The following ADGRV1 variants were observed in gnomAD, a reference collection of about 807,000 sequenced individuals.
ADGRV1 encodes the protein G-protein coupled receptor 98.
A neutral mutation model predicts 596.2 loss-of-function variants in ADGRV1; 359 were observed. The observed-to-expected ratio is 0.60, with a 90% CI of 0.55 to 0.66. The LOEUF (loss-of-function observed/expected upper bound fraction) is 0.66, where lower values mean the gene tolerates loss of function less well. Among genes scored for constraint, ADGRV1 ranks in the 30% least tolerant of loss-of-function variants. The probability of loss-of-function intolerance (pLI) is 0.00; values close to 1 mark genes in which losing one functional copy is unlikely to be tolerated. For missense variants in ADGRV1, 7,274 were observed against 7,575.6 expected (o/e 0.96, Z 1.48); for synonymous variants, 2,681 against 2,679.2 (o/e 1.00, Z -0.02).
Position 90,725,743 on chromosome 5 carries a change from G to A in ADGRV1, c.10161+87G>A. The A allele has an allele frequency of 3.8e-6, 3 of 783,862 alleles. No individual in the cohort carries two copies. In the South Asian group the frequency reaches 4.9e-5, roughly 13 times the overall value. 48.6% of individuals were successfully genotyped at this position (783,862 alleles called of 1,614,324 possible). On this transcript the variant is annotated intron_variant, in intron 48 of 89. Transcript: ENST00000405460. The stretch of plus-strand genomic sequence containing the variant: ...AATTTACCAAAGGTATGGTCTGCTG[G>A]TTTAGTATAAAAGAAAACCAAAATT...
rs1762036028 is a variant in ADGRV1 at position 90,807,703 on chromosome 5, G to T, written c.14938G>T (p.Val4980Leu). The change falls in exon 73 of 90, where the codon GTG (valine) becomes TTG (leucine). Residue 4980 changes from valine to leucine, a missense_variant. Physicochemically the swap from Val to Leu is conservative, Grantham distance 32 (BLOSUM62 1). Coordinates refer to ENST00000405460, the MANE Select transcript of ADGRV1 (RefSeq NM_032119.4). Reference protein sequence around the residue: ...PEAFVLHLSGVQSSAPGGAQL... With the variant: ...PEAFVLHLSGLQSSAPGGAQL... ...GGCCTTTGTTCTTCACCTATCAGGA[G>T]TGCAGAGCAGTGCTCCTGGCGGAGC... 6.3e-7 allele frequency: 1 copy of T among 1,587,536 alleles called. No homozygotes were observed.
chr5:91,087,300 T>C (rs1452643982), intron 86 of ADGRV1, among the ~76,000 whole-genome samples: 1 of 150,590 alleles, frequency 6.6e-6, no homozygotes, highest in Non-Finnish European at 1.5e-5. Context: ...TTGTTGTTTT[T>C]TGTTTTTTGA....
At chr5:90,974,744 A>T (rs555926061) in intron 84 of ADGRV1, among the ~76,000 whole-genome samples, 1 of 152,294 alleles carries the variant, frequency 6.6e-6, no homozygotes, top group East Asian at 1.9e-4. Flanking sequence ...AACCATAAAA[A>T]CCCTAGAAGA....
intron 87 of ADGRV1, among the ~76,000 whole-genome samples, chr5:91,140,603 A>G (rs1795016984): frequency 6.6e-6 from 1 of 152,122 alleles, no homozygotes; most frequent in African/African-American, 2.4e-5. Context: ...TTTCTATATT[A>G]TTAAGTCCCA....
At chr5:90,816,910 C>T (rs1483131289) in intron 75 of ADGRV1, among the ~76,000 whole-genome samples, 1 of 152,074 alleles carries the variant, frequency 6.6e-6, no homozygotes, top group Non-Finnish European at 1.5e-5. Context: ...GATCTATAGT[C>T]CTTTGGGTAT....
chr5:91,011,862 C>G, intron 85 of ADGRV1, among the ~76,000 whole-genome samples: 1 of 151,866 alleles, frequency 6.6e-6, no homozygotes, highest in Non-Finnish European at 1.5e-5. Flanking sequence ...ACCAATTTAT[C>G]CATTTACACC....
At chr5:91,090,081 T>A (rs982727612) in intron 86 of ADGRV1, among the ~76,000 whole-genome samples, 6 of 152,196 alleles carry the variant, frequency 3.9e-5, no homozygotes, top group African/African-American at 1.2e-4. Context: ...ATTTATGAAA[T>A]GTGTAGAAAA....
intron 1 of ADGRV1, among the ~76,000 whole-genome samples, chr5:90,561,856 C>T (rs1341461445): frequency 6.6e-6 from 1 of 152,120 alleles, no homozygotes; most frequent in Non-Finnish European, 1.5e-5. Context: ...ATGTGTATTT[C>T]CCTGATTTTG....
intron 85 of ADGRV1, among the ~76,000 whole-genome samples, chr5:91,035,845 T>TGTATATATATATATA (rs1562121481): frequency 3.1e-5 from 1 of 32,482 alleles, no homozygotes; most frequent in Non-Finnish European, 8.2e-5. Context: ...AATGAGTGTG[T>TGTATATATATATATA]ATATATATAT....
chr5:90,652,254 T>G, intron 18 of ADGRV1, 92 bp from the exon 19 acceptor site: 1 of 891,780 alleles, frequency 1.1e-6, no homozygotes, highest in South Asian at 2.6e-5. Flanking sequence ...TTTAAGACAA[T>G]AGATAGTAAA....
chr5:90,628,545 C>A lies in ADGRV1; in HGVS notation c.1239-17C>A, dbSNP rs1475035192. On this transcript the variant is annotated splice_polypyrimidine_tract_variant and intron_variant, in intron 7 of 89. Coordinates refer to ENST00000405460, the MANE Select transcript of ADGRV1 (RefSeq NM_032119.4). ...GTGTACTATGTGACAATATGTATTT[C>A]TTTTAAAACATTTAAGATATGAAGA... is the stretch of plus-strand genomic sequence containing the variant. The A allele has an allele frequency of 5.0e-6, 8 of 1,607,668 alleles. No homozygotes were observed. The highest frequency in any genetic ancestry group is 1.3e-5 in the African/African-American group (1 of 74,794).
intron 57 of ADGRV1, among the ~76,000 whole-genome samples, chr5:90,759,141 A>T (rs553017135): frequency 6.6e-6 from 1 of 152,274 alleles, no homozygotes; most frequent in Non-Finnish European, 1.5e-5. Context: ...TAGACTGTAA[A>T]TTTCTGACTT....
chr5:90,831,161 T>C (rs1764484426), intron 77 of ADGRV1, among the ~76,000 whole-genome samples: 2 of 152,010 alleles, frequency 1.3e-5, no homozygotes, highest in South Asian at 4.2e-4. Context: ...CTGCAGATGA[T>C]CTTGAGACTT....
chr5:91,161,710 T>G (rs1796970087), intron 89 of ADGRV1, among the ~76,000 whole-genome samples: 1 of 152,164 alleles, frequency 6.6e-6, no homozygotes. Context: ...ATAGGAGTAT[T>G]ATTAAATTTA....
chr5:90,670,177 G>A (rs1007835782), intron 21 of ADGRV1, among the ~76,000 whole-genome samples: 5 of 152,068 alleles, frequency 3.3e-5, no homozygotes, highest in Non-Finnish European at 5.9e-5. Flanking sequence ...CATATTTTAA[G>A]CCCTTTGATT....
In ADGRV1 at chr5:90,688,338, C is replaced by G. The variant is rs550035292; in HGVS notation, c.6491-1523C>G. ...AAATGGTGCTGGGAAAACTGGCTAGCCATATGTTGATTTTACAATTTTGTT... is the reference window on the plus strand; with the variant it reads ...AAATGGTGCTGGGAAAACTGGCTAGGCATATGTTGATTTTACAATTTTGTT... On this transcript the variant is annotated intron_variant, in intron 29 of 89. Coordinates refer to ENST00000405460, the MANE Select transcript of ADGRV1 (RefSeq NM_032119.4). Among the ~76,000 whole-genome samples, 162 of 152,182 alleles carry G rather than the reference C, an allele frequency of 1.1e-3. 1 individual carries two copies. The highest frequency in any genetic ancestry group is 1.6e-3 in the Non-Finnish European group (108 of 67,982).
chr5:90,828,645 A>G (rs1047797240), intron 76 of ADGRV1, among the ~76,000 whole-genome samples: 1 of 152,166 alleles, frequency 6.6e-6, no homozygotes. Context: ...GTTTTGTGGT[A>G]TGAATACATT....
chr5:90,779,314 A>G, intron 64 of ADGRV1: 1 of 352,478 alleles, frequency 2.8e-6, no homozygotes. Context: ...CTGAAAATTG[A>G]AAGTATGTGT....
chr5:90,729,271 A>C (rs577291990), intron 49 of ADGRV1, among the ~76,000 whole-genome samples: 133 of 152,232 alleles, frequency 8.7e-4, no homozygotes, highest in Non-Finnish European at 1.3e-3. Flanking sequence ...AATAATTTAT[A>C]GTATTAGTAA....
Sources: allele counts gnomAD v4.1 joint callset (sites outside exome capture counted in the v4.1 genomes callset), GRCh38; gene constraint gnomAD v4.1.1; transcripts MANE v1.5; gene names NCBI Gene and HGNC (gene_info 2026-07-23, HGNC 2026-07-21).